The following EYA4 variants were observed in gnomAD, a reference collection of about 807,000 sequenced individuals.
EYA4 encodes the protein protein phosphatase EYA4.
A neutral mutation model predicts 87.9 loss-of-function variants in EYA4; 31 were observed. The ratio of observed to expected loss-of-function variants is 0.35; its 90% CI spans 0.27 to 0.48. The LOEUF is 0.48. Among genes scored for constraint, EYA4 ranks in the 20% least tolerant of loss-of-function variants. EYA4 has a pLI of 0.99. For synonymous variants in EYA4, 263 were observed against 270.6 expected (o/e 0.97, Z 0.28); for missense variants, 678 against 761.4 (o/e 0.89, Z 1.29).
At chr6:133,287,525 T>A (rs958835000) in intron 2 of EYA4, among the ~76,000 whole-genome samples, 6 of 118,784 alleles carry the variant, frequency 5.1e-5, no homozygotes, top group African/African-American at 1.5e-4. Flanking sequence ...GAAATCTGGC[T>A]GAGAAGCACT....
intron 3 of EYA4, among the ~76,000 whole-genome samples, chr6:133,395,231 AT>A (rs11399757): frequency 6.0e-4 from 86 of 142,762 alleles, no homozygotes; most frequent in Middle Eastern, 3.7e-3. Flanking sequence ...TCACTTAGGG[AT>A]TTTTTTTTTT....
rs1800924095 is a variant in EYA4, at chr6:133,530,133, A to AAATT, written c.*1331_*1334dup. On this transcript the variant is annotated 3_prime_UTR_variant, in exon 20 of 20. Transcript: ENST00000355286. The stretch of plus-strand genomic sequence containing the variant: ...AAAATTTTACCTAGAATATCATCAT[A>AAATT]AATTAAATTAGCAAGTGCGCTGGAT... 2 of 985,122 alleles carry AAATT rather than the reference A, an allele frequency of 2.0e-6. No homozygotes were observed. Among genetic ancestry groups the AAATT allele is most frequent in the South Asian group, 4.7e-5 (1 of 21,290 alleles). 61.0% of individuals were successfully genotyped at this position (985,122 alleles called of 1,614,324 possible). A position where few individuals can be genotyped will look rare whatever the true frequency, so the allele number is the denominator to read the frequency against.
chr6:133,426,283 G>A (rs995097225), intron 3 of EYA4, among the ~76,000 whole-genome samples: 4 of 152,110 alleles, frequency 2.6e-5, no homozygotes, highest in East Asian at 1.9e-4. Flanking sequence ...ATAGGTACTC[G>A]GCAAATATTT....
intron 2 of EYA4, among the ~76,000 whole-genome samples, chr6:133,306,480 C>T (rs1779820737): frequency 6.6e-6 from 1 of 152,108 alleles, no homozygotes; most frequent in Non-Finnish European, 1.5e-5. Flanking sequence ...AGCTGTTTTT[C>T]CAGATGAAAA....
chr6:133,245,822 T>C (rs1430848180), intron 1 of EYA4, among the ~76,000 whole-genome samples: 5 of 152,204 alleles, frequency 3.3e-5, no homozygotes, highest in Admixed American at 2.6e-4. Context: ...TTTGATTGCT[T>C]TTAAGAGGTT....
chr6:133,430,007 C>T (rs1363105015), intron 3 of EYA4, among the ~76,000 whole-genome samples: 1 of 121,858 alleles, frequency 8.2e-6, no homozygotes, highest in Non-Finnish European at 1.6e-5. Flanking sequence ...AGTTTTCAAC[C>T]CTTGCCCCTC....
intron 10 of EYA4, among the ~76,000 whole-genome samples, chr6:133,466,690 A>T (rs1390737844): frequency 6.6e-6 from 1 of 151,944 alleles, no homozygotes; most frequent in Admixed American, 6.6e-5. Flanking sequence ...TTAGGTGAAG[A>T]AGGAGGGCAG....
At chr6:133,518,429 T>C (rs911306847) in intron 17 of EYA4, among the ~76,000 whole-genome samples, 6 of 152,158 alleles carry the variant, frequency 3.9e-5, no homozygotes, top group Non-Finnish European at 7.3e-5. Flanking sequence ...AATTGCAGTT[T>C]TGCCATTACT....
At chr6:133,305,031 G>A (rs747206050) in intron 2 of EYA4, among the ~76,000 whole-genome samples, 13 of 152,174 alleles carry the variant, frequency 8.5e-5, no homozygotes, top group Non-Finnish European at 8.8e-5. Context: ...AGAATTATTT[G>A]AGATGACAAT....
chr6:133,518,520 C>T (rs185760959), intron 17 of EYA4, among the ~76,000 whole-genome samples: 9 of 152,232 alleles, frequency 5.9e-5, no homozygotes, highest in African/African-American at 2.2e-4. Flanking sequence ...AAAACAGATG[C>T]TTTGTTGAAT....
At chr6:133,320,454 CAGTT>C (rs543262744) in intron 2 of EYA4, among the ~76,000 whole-genome samples, 1 of 150,380 alleles carries the variant, frequency 6.6e-6, no homozygotes, top group South Asian at 2.1e-4. Flanking sequence ...TTAGAGTAAA[CAGTT>C]AATTAAATCT....
intron 3 of EYA4, among the ~76,000 whole-genome samples, chr6:133,407,425 AGGGCTTT>A (rs1412978381): frequency 1.5e-4 from 23 of 152,098 alleles, no homozygotes; most frequent in Admixed American, 1.4e-3. Context: ...CCAAATCACC[AGGGCTTT>A]GGCTGTTACT....
intron 3 of EYA4, among the ~76,000 whole-genome samples, chr6:133,391,222 G>GGT (rs1554246225): frequency 1.1e-5 from 1 of 89,830 alleles, no homozygotes; most frequent in East Asian, 3.1e-4. Flanking sequence ...TTTTGTTTTT[G>GGT]TTTTTTTTTT....
chr6:133,298,161 G>T (rs1011924328), intron 2 of EYA4, among the ~76,000 whole-genome samples: 2 of 152,030 alleles, frequency 1.3e-5, no homozygotes, highest in Non-Finnish European at 2.9e-5. Flanking sequence ...TACTCAAATT[G>T]TCTTGAATTT....
intron 2 of EYA4, among the ~76,000 whole-genome samples, chr6:133,297,040 T>C (rs1582880968): frequency 6.6e-6 from 1 of 152,262 alleles, no homozygotes; most frequent in Non-Finnish European, 1.5e-5. Flanking sequence ...CTTGCATTAA[T>C]TCTTTCTGGT....
chr6:133,312,971 G>T (rs986472998), intron 2 of EYA4, among the ~76,000 whole-genome samples: 5 of 151,602 alleles, frequency 3.3e-5, no homozygotes, highest in African/African-American at 1.2e-4. Flanking sequence ...TGGGGAGAGG[G>T]GTTTAGGATT....
At chr6:133,321,542 A>G (rs370391676) in intron 2 of EYA4, among the ~76,000 whole-genome samples, 61 of 152,350 alleles carry the variant, frequency 4.0e-4, no homozygotes, top group African/African-American at 1.4e-3. Flanking sequence ...GGAGGAAGAC[A>G]AGGAACTTTC....
chr6:133,273,451 A>G (rs954150595), intron 1 of EYA4, among the ~76,000 whole-genome samples: 2 of 152,186 alleles, frequency 1.3e-5, no homozygotes, highest in Non-Finnish European at 2.9e-5. Flanking sequence ...CAGGATCAAT[A>G]CTTTGTATCC....
chr6:133,389,100 A>G (rs1374410354), intron 3 of EYA4, among the ~76,000 whole-genome samples: 3 of 151,968 alleles, frequency 2.0e-5, no homozygotes, highest in Non-Finnish European at 4.4e-5. Flanking sequence ...CATCTTCCAG[A>G]TGTTTTGCGC....
Sources: allele counts gnomAD v4.1 joint callset (sites outside exome capture counted in the v4.1 genomes callset), GRCh38; gene constraint gnomAD v4.1.1; transcripts MANE v1.5; gene names NCBI Gene and HGNC (gene_info 2026-07-23, HGNC 2026-07-21).